The following FRY variants were observed in gnomAD, a reference collection of about 807,000 sequenced individuals.
FRY encodes FRY microtubule binding protein.
A neutral mutation model predicts 348.4 loss-of-function variants in FRY; 128 were observed. The observed-to-expected ratio is 0.37, with a 90% confidence interval of 0.32 to 0.43. The LOEUF is 0.43. FRY is among the 20% of genes least tolerant of loss of function. The probability of loss-of-function intolerance (pLI) is 1.00; values close to 1 mark genes in which losing one functional copy is unlikely to be tolerated. For synonymous variants in FRY, 1,370 were observed against 1,374.7 expected, an observed-to-expected ratio of 1.00 and a Z score of 0.08; for missense variants, 2,736 against 3,695.2, an observed-to-expected ratio of 0.74 and a Z score of 6.73.
chr13:32,123,024 C>A (rs1269459347), intron 4 of FRY, among the ~76,000 whole-genome samples: 2 of 152,148 alleles, frequency 1.3e-5, no homozygotes, highest in African/African-American at 2.4e-5. Flanking sequence ...CAAAACACTG[C>A]TGAAAGAAAT....
intron 2 of FRY, among the ~76,000 whole-genome samples, chr13:32,091,836 A>G (rs1259686092): frequency 1.3e-5 from 2 of 152,228 alleles, no homozygotes; most frequent in African/African-American, 4.8e-5. Context: ...AAGATAGCTG[A>G]AGCTTAGAGA....
At chr13:32,134,671 G>C (rs1879587493) in intron 8 of FRY, among the ~76,000 whole-genome samples, 1 of 152,182 alleles carries the variant, frequency 6.6e-6, no homozygotes, top group Admixed American at 6.5e-5. Context: ...TTTTAGAATA[G>C]TGAATTGAAA....
At chr13:32,226,025 T>C in intron 39 of FRY, 51 bp downstream of exon 39, 1 of 1,520,864 alleles carries the variant, frequency 6.6e-7, no homozygotes, top group Non-Finnish European at 9.1e-7. Flanking sequence ...AATGCAGAGA[T>C]AACTAACTGC....
At chr13:32,163,748 C>T (rs1355971741) in intron 17 of FRY, among the ~76,000 whole-genome samples, 1 of 152,186 alleles carries the variant, frequency 6.6e-6, no homozygotes, top group Non-Finnish European at 1.5e-5. Context: ...GCCCAAACCC[C>T]CAGACCATGG....
chr13:32,142,185 CAT>C (rs1369328555), intron 11 of FRY, among the ~76,000 whole-genome samples: 1 of 152,156 alleles, frequency 6.6e-6, no homozygotes, highest in African/African-American at 2.4e-5. Flanking sequence ...GCACCAATAG[CAT>C]ATGTGTGCAG....
At chr13:32,129,458 GTAGT>G (rs1364948951) in intron 7 of FRY, among the ~76,000 whole-genome samples, 6 of 151,946 alleles carry the variant, frequency 3.9e-5, no homozygotes, top group Admixed American at 3.3e-4. Flanking sequence ...ATACCATTTT[GTAGT>G]TAATCTCCAT....
At chr13:32,153,284 A>G (rs536064380) in intron 14 of FRY, among the ~76,000 whole-genome samples, 18 of 152,306 alleles carry the variant, frequency 1.2e-4, no homozygotes, top group Non-Finnish European at 1.0e-4. Flanking sequence ...ACTAAAAATA[A>G]AAAAGCAACT....
At chr13:32,162,235 A>G (rs1881488134) in intron 17 of FRY, among the ~76,000 whole-genome samples, 1 of 152,248 alleles carries the variant, frequency 6.6e-6, no homozygotes, top group Admixed American at 6.5e-5. Flanking sequence ...TGATTATGGT[A>G]TAATTTTTAA....
intron 8 of FRY, 84 bp from the exon 9 acceptor site, chr13:32,134,820 C>A: frequency 2.4e-6 from 2 of 833,802 alleles, no homozygotes; most frequent in Non-Finnish European, 4.3e-6. Context: ...GAATTAAGAG[C>A]TACTTACTGA....
At chr13:32,060,173 A>G (rs902747000) in intron 1 of FRY, among the ~76,000 whole-genome samples, 2 of 152,232 alleles carry the variant, frequency 1.3e-5, no homozygotes, top group African/African-American at 4.8e-5. Flanking sequence ...ACTGACCCTC[A>G]TAGAATTCTT....
chr13:32,187,435 A>C, intron 27 of FRY, 111 bp from the exon 28 acceptor site: 2 of 713,896 alleles, frequency 2.8e-6, no homozygotes, highest in Non-Finnish European at 5.2e-6. Flanking sequence ...AAGTGTCTTT[A>C]GAGGGCCCTT....
At chr13:32,254,892 C>T (rs1002188427) in intron 51 of FRY, among the ~76,000 whole-genome samples, 2 of 152,188 alleles carry the variant, frequency 1.3e-5, no homozygotes, top group Non-Finnish European at 2.9e-5. Context: ...AAACAAAATG[C>T]AATGCACACA....
chr13:32,091,629 G>A (rs1876318530), intron 2 of FRY, among the ~76,000 whole-genome samples: 1 of 152,208 alleles, frequency 6.6e-6, no homozygotes, highest in Admixed American at 6.5e-5. Flanking sequence ...CTACTGTGAA[G>A]GGTGCCACCA....
At chr13:32,096,443 G>T (rs967980711) in intron 2 of FRY, among the ~76,000 whole-genome samples, 7 of 151,012 alleles carry the variant, frequency 4.6e-5, no homozygotes. Flanking sequence ...ACTGCGGGGG[G>T]GGGCTTCATC....
At chr13:32,056,781 ACT>A (rs1444827607) in intron 1 of FRY, among the ~76,000 whole-genome samples, 4 of 152,122 alleles carry the variant, frequency 2.6e-5, no homozygotes, top group African/African-American at 7.2e-5. Flanking sequence ...AAATATTTTA[ACT>A]CTTATATTTA....
At chr13:32,131,567 T>G (rs2138756718) in intron 7 of FRY, 105 bp from the exon 8 acceptor site, 3 of 795,538 alleles carry the variant, frequency 3.8e-6, no homozygotes, top group Non-Finnish European at 4.4e-6. Flanking sequence ...TGAACTGATT[T>G]AAAGGATTCC....
intron 31 of FRY, among the ~76,000 whole-genome samples, chr13:32,206,908 A>T (rs1420670155): frequency 1.3e-5 from 2 of 152,232 alleles, no homozygotes; most frequent in Non-Finnish European, 2.9e-5. Context: ...CCACTGAACA[A>T]GAGCATCCCA....
In FRY at chr13:32,267,297, A is replaced by T. The variant is rs1403880009; in HGVS notation, c.8074A>T (p.Met2692Leu). The T allele has an allele frequency of 1.9e-6, 3 of 1,614,026 alleles. No homozygotes were observed. In the African/African-American group the frequency reaches 4.0e-5, roughly 22 times the overall value. ...CTGGCGCAGCCACATCAACCAGCTTATGTGTGACTCAGATGGCTCCTGTGC... is the reference window on the plus strand; with the variant it reads ...CTGGCGCAGCCACATCAACCAGCTTTTGTGTGACTCAGATGGCTCCTGTGC... The part of the protein sequence containing the change: ...EAWRSHINQL[M>L]CDSDGSCAVY... Residue 2692 changes from methionine to leucine, a missense_variant, in exon 55 of 61, where the codon ATG becomes TTG. By Grantham distance (15) the Met-to-Leu change is conservative (BLOSUM62 2). Coordinates refer to ENST00000542859, the MANE Select transcript of FRY (RefSeq NM_023037.3).
intron 3 of FRY, among the ~76,000 whole-genome samples, chr13:32,114,729 T>C (rs746488841): frequency 3.3e-5 from 5 of 152,242 alleles, no homozygotes; most frequent in Non-Finnish European, 5.9e-5. Flanking sequence ...GGGAGGAATG[T>C]CCTTCATTTC....
Sources: gnomAD v4.1 joint callset for allele counts (sites outside exome capture counted in the v4.1 genomes callset) on GRCh38, gnomAD v4.1.1 for gene constraint, MANE v1.5 for transcripts, NCBI Gene and HGNC (gene_info 2026-07-23, HGNC 2026-07-21) for gene names.